The following EZR variants were observed in gnomAD, a reference collection of about 807,000 sequenced individuals.
EZR encodes the protein cytovillin 2.
Under a neutral mutation model 74.8 loss-of-function variants are expected in EZR, and 40 were observed. The ratio of observed to expected loss-of-function variants is 0.53; its 90% CI spans 0.42 to 0.70. The LOEUF is 0.70. Ranked by LOEUF, EZR falls within the 30% of genes least tolerant of loss-of-function variation. The pLI is 0.00. For synonymous variants in EZR, 341 were observed against 283.3 expected (o/e 1.20, Z -2.05); for missense variants, 678 against 755.8 (o/e 0.90, Z 1.21).
rs1283180461 is a variant in EZR at position 158,769,876 on chromosome 6, C to A, written c.1159G>T (p.Glu387Ter). 6.2e-7 allele frequency: 1 copy of A among 1,613,764 alleles called. No homozygotes were observed. Among genetic ancestry groups the A allele is most frequent in the Non-Finnish European group, 8.5e-7 (1 of 1,180,030 alleles). The change falls in exon 11 of 14, where the codon GAG (glutamate) becomes TAG (stop). Residue 387 changes from glutamate (E) to a stop codon, truncating the protein, a stop_gained. Transcript: ENST00000367075. LOFTEE classifies it high-confidence loss of function. The part of the protein sequence containing the change: ...EERKRAQEEA[E>*]RLEADRMAAL... ...GCCATACGGTCAGCCTCTAGGCGCT[C>A]GGCCTCCTCCTGTGCCCGCTTCCTC...
At chr6:158,788,763 T>C (rs1791651705) in intron 3 of EZR, among the ~76,000 whole-genome samples, 1 of 152,206 alleles carries the variant, frequency 6.6e-6, no homozygotes, top group African/African-American at 2.4e-5. Context: ...AATCTTCCAA[T>C]TTTAAAAAGT....
At position 158,766,785 on chromosome 6, in the gene EZR, G is replaced by T; in HGVS notation, c.*129C>A. The T allele has an allele frequency of 1.0e-6, 1 of 954,082 alleles. No individual in the cohort carries two copies. Among genetic ancestry groups the T allele is most frequent in the Non-Finnish European group, 1.6e-6 (1 of 629,328 alleles). 59.1% of individuals were successfully genotyped at this position (954,082 alleles called of 1,614,324 possible). ...GTTCCCAGCCCAGAATGTTTCTGTT[G>T]GGTAACTGCTTTCTAAAGGAACTGG... On this transcript the variant is annotated 3_prime_UTR_variant, in exon 14 of 14. Transcript: ENST00000367075.
At chr6:158,782,446 CAAGTGGG>C (rs1057002427) in intron 7 of EZR, among the ~76,000 whole-genome samples, 8 of 152,120 alleles carry the variant, frequency 5.3e-5, no homozygotes, top group African/African-American at 1.9e-4. Context: ...GGGTGAGCCT[CAAGTGGG>C]AAATGGGGAG....
At chr6:158,799,080 C>T (rs1777137136) in intron 2 of EZR, among the ~76,000 whole-genome samples, 1 of 152,204 alleles carries the variant, frequency 6.6e-6, no homozygotes. Flanking sequence ...CATGACAATA[C>T]CAGGCATGGT....
intron 2 of EZR, among the ~76,000 whole-genome samples, chr6:158,813,789 C>T (rs1382431494): frequency 6.6e-6 from 1 of 152,230 alleles, no homozygotes; most frequent in African/African-American, 2.4e-5. Context: ...ATGTCTATAA[C>T]ACTTCAGAAA....
intron 2 of EZR, among the ~76,000 whole-genome samples, chr6:158,803,710 T>G (rs1199479941): frequency 2.1e-5 from 3 of 145,616 alleles, no homozygotes; most frequent in Non-Finnish European, 3.0e-5. Context: ...CCCCATAATT[T>G]CAAGAACATG....
At chr6:158,770,558 A>G (rs1562490011) in intron 10 of EZR, among the ~76,000 whole-genome samples, 1 of 152,050 alleles carries the variant, frequency 6.6e-6, no homozygotes, top group East Asian at 1.9e-4. Flanking sequence ...TTTAAAATAC[A>G]AAGTCTTAGA....
At chr6:158,794,846 T>C (rs548739466) in intron 2 of EZR, among the ~76,000 whole-genome samples, 7 of 152,286 alleles carry the variant, frequency 4.6e-5, no homozygotes, top group African/African-American at 1.7e-4. Flanking sequence ...AGTTTAACTT[T>C]ACTCCTGTAC....
intron 2 of EZR, among the ~76,000 whole-genome samples, chr6:158,792,316 A>G (rs1330205271): frequency 6.6e-6 from 1 of 151,780 alleles, no homozygotes; most frequent in African/African-American, 2.4e-5. Context: ...GGTTCAAACG[A>G]TTCTCCTGCC....
chr6:158,793,214 G>T (rs1440538395), intron 2 of EZR, among the ~76,000 whole-genome samples: 2 of 151,224 alleles, frequency 1.3e-5, no homozygotes, highest in Non-Finnish European at 3.0e-5. Context: ...CTGCACTCCA[G>T]CCTGAATGAA....
In EZR at chr6:158,767,263, G is replaced by A; in HGVS notation, c.1594C>T (p.Leu532=). 6.2e-7 allele frequency: 1 copy of A among 1,611,710 alleles called. No homozygotes were observed. Among genetic ancestry groups the A allele is most frequent in the African/African-American group, 1.3e-5 (1 of 75,028 alleles). Residue 532 remains leucine, a splice_region_variant and synonymous_variant, in exon 13 of 14, where the codon CTG becomes TTG. Transcript: ENST00000367075. ...EKNERVQRQL[L]TLSSELSQAR... is the part of the protein sequence containing the mutation. The stretch of plus-strand genomic sequence containing the variant: ...AGACAGAGCCCCTTGGGCCTCACCA[G>A]CAGCTGCCGCTGCACACGCTCGTTC...
intron 2 of EZR, among the ~76,000 whole-genome samples, chr6:158,810,137 A>G (rs1777423278): frequency 6.6e-6 from 1 of 152,246 alleles, no homozygotes; most frequent in Non-Finnish European, 1.5e-5. Context: ...TTCCTCTCCT[A>G]TCAATAAAAG....
chr6:158,770,110 G>A (rs1405806659), intron 10 of EZR, among the ~76,000 whole-genome samples, 166 bp from the exon 11 acceptor site: 1 of 152,360 alleles, frequency 6.6e-6, no homozygotes, highest in Admixed American at 6.5e-5. Context: ...GCTCATTGCT[G>A]CTGTATCCAT....
intron 11 of EZR, 119 bp downstream of exon 11, chr6:158,769,665 C>T (rs2128564554): frequency 2.8e-6 from 4 of 1,424,122 alleles, no homozygotes. Flanking sequence ...CTTCAGCCCC[C>T]CAGCAGATCA....
At chr6:158,783,942 AG>A (rs1791496967) in intron 6 of EZR, among the ~76,000 whole-genome samples, 1 of 152,212 alleles carries the variant, frequency 6.6e-6, no homozygotes, top group Non-Finnish European at 1.5e-5. Flanking sequence ...TTTCTCTAAC[AG>A]GTTTTTAAGT....
chr6:158,771,164 C>T, intron 9 of EZR, 80 bp downstream of exon 9: 1 of 1,494,996 alleles, frequency 6.7e-7, no homozygotes. Context: ...ATCAGCTCCA[C>T]AGTCACCTGA....
intron 2 of EZR, among the ~76,000 whole-genome samples, chr6:158,791,073 T>C (rs1791731169): frequency 6.6e-6 from 1 of 152,166 alleles, no homozygotes; most frequent in Non-Finnish European, 1.5e-5. Flanking sequence ...AGGAACATAA[T>C]TAGTCTCCCC....
chr6:158,779,341 G>A (rs3127208), intron 7 of EZR, among the ~76,000 whole-genome samples: 112,996 of 151,970 alleles, frequency 0.74, 43,774 homozygotes, highest in African/African-American at 0.82. Context: ...AGGGAGGTCT[G>A]ACAACTAACT....
intron 2 of EZR, among the ~76,000 whole-genome samples, chr6:158,805,030 T>C (rs1777304281): frequency 6.6e-6 from 1 of 151,232 alleles, no homozygotes; most frequent in African/African-American, 2.4e-5. Flanking sequence ...TTTTTGTTCT[T>C]GCGATAGTTT....
Sources: allele counts gnomAD v4.1 joint callset (sites outside exome capture counted in the v4.1 genomes callset), GRCh38; gene constraint gnomAD v4.1.1; transcripts MANE v1.5; gene names NCBI Gene and HGNC (gene_info 2026-07-23, HGNC 2026-07-21).